The following NUP214 variants were observed in gnomAD, a reference collection of about 807,000 sequenced individuals.
The protein encoded by NUP214 is nucleoporin 214.
NUP214 carries 79 observed loss-of-function variants against 196.2 expected under a neutral mutation model. The ratio of observed to expected loss-of-function variants is 0.40; its 90% CI spans 0.34 to 0.49. The LOEUF is 0.49. NUP214 is among the 20% of genes least tolerant of loss of function. The pLI is 0.58. For missense variants in NUP214, 2,468 were observed against 2,539.0 expected, an observed-to-expected ratio of 0.97 and a Z score of 0.60; for synonymous variants, 1,020 against 990.5, an observed-to-expected ratio of 1.03 and a Z score of -0.56.
At chr9:131,175,824 G>C (rs1254300755) in intron 23 of NUP214, 1 of 689,632 alleles carries the variant, frequency 1.5e-6, no homozygotes. Flanking sequence ...TTAAGGGGAG[G>C]GATTAGAACT....
intron 17 of NUP214, among the ~76,000 whole-genome samples, chr9:131,155,788 C>G (rs946317396): frequency 2.0e-5 from 3 of 152,092 alleles, no homozygotes; most frequent in African/African-American, 7.2e-5. Context: ...TCAGTTGGCT[C>G]TAATAATTTG....
Position 131,222,821 on chromosome 9 carries a change from T to C in NUP214, c.5793T>C (p.Gly1931=), listed in dbSNP as rs1225336877. 2.0e-5 allele frequency: 33 copies of C among 1,614,176 alleles called. No individual in the cohort carries two copies. The East Asian group carries it at 7.4e-4, about 36-fold the overall frequency. Reference sequence around the variant, plus strand: ...GAAACAGTGGGGCCAAGACATTTGGTGGATTTGCCAGCTCGTCGTTTGGAG... The same window carrying C: ...GAAACAGTGGGGCCAAGACATTTGGCGGATTTGCCAGCTCGTCGTTTGGAG... ...LFGNSGAKTF[G]GFASSSFGEQ... Residue 1931 remains glycine (G), a synonymous_variant, in exon 32 of 36, where the codon GGT becomes GGC. Coordinates refer to ENST00000359428, the MANE Select transcript of NUP214 (RefSeq NM_005085.4).
chr9:131,159,623 C>T (rs1268174625), intron 18 of NUP214, 137 bp downstream of exon 18: 10 of 705,810 alleles, frequency 1.4e-5, no homozygotes, highest in South Asian at 6.6e-5. Flanking sequence ...TTTGGCAGGC[C>T]GAGGCGAGTG....
chr9:131,192,282 TCTCCATCA>T lies in NUP214; in HGVS notation c.3650_3657del (p.Ser1217TrpfsTer5). On this transcript the variant is annotated frameshift_variant and splice_region_variant, in exon 27 of 36. Coordinates refer to ENST00000359428, the MANE Select transcript of NUP214 (RefSeq NM_005085.4). LOFTEE classifies it high-confidence loss of function. ...GCAGTTCAGCAAGCCTTTCTCATTTTCTCCATCAGGGTCAGTAATGAACTTAAGTTTTA... is the reference window on the plus strand; with the variant it reads ...GCAGTTCAGCAAGCCTTTCTCATTTTGGGTCAGTAATGAACTTAAGTTTTA... The T allele has an allele frequency of 1.3e-6, 2 of 1,599,242 alleles. No individual in the cohort carries two copies. Among genetic ancestry groups the T allele is most frequent in the Non-Finnish European group, 1.7e-6 (2 of 1,171,246 alleles).
At chr9:131,182,235 A>T (rs1296316051) in intron 24 of NUP214, among the ~76,000 whole-genome samples, 4 of 152,222 alleles carry the variant, frequency 2.6e-5, no homozygotes, top group Non-Finnish European at 4.4e-5. Context: ...AAAATAATTT[A>T]AAAAAATAAA....
intron 24 of NUP214, among the ~76,000 whole-genome samples, chr9:131,184,562 C>G (rs1234570264): frequency 6.6e-6 from 1 of 152,074 alleles, no homozygotes; most frequent in Non-Finnish European, 1.5e-5. Context: ...TCTCGAACTC[C>G]TGACCTCAAG....
At chr9:131,155,520 C>G (rs369191159) in intron 17 of NUP214, among the ~76,000 whole-genome samples, 9 of 152,116 alleles carry the variant, frequency 5.9e-5, no homozygotes, top group African/African-American at 1.9e-4. Flanking sequence ...TTGTTGCATT[C>G]GCTTTTGGAT....
At chr9:131,203,014 C>T (rs1019473078) in intron 30 of NUP214, among the ~76,000 whole-genome samples, 33 of 151,484 alleles carry the variant, frequency 2.2e-4, no homozygotes, top group African/African-American at 8.0e-4. Flanking sequence ...GGTGCTATCT[C>T]GGCTCACTGC....
chr9:131,223,711 T>TTTTATTTATTTATTTATTTA (rs1371826550), intron 32 of NUP214, among the ~76,000 whole-genome samples: 613 of 27,090 alleles, frequency 0.023, 48 homozygotes, highest in East Asian at 0.07. Context: ...TTTTTTTTAT[T>TTTTATTTATTTATTTATTTA]TTTATTTATT....
At chr9:131,134,866 G>T in intron 7 of NUP214, 32 bp from the exon 8 acceptor site, 1 of 1,464,880 alleles carries the variant, frequency 6.8e-7, no homozygotes, top group Non-Finnish European at 9.5e-7. Flanking sequence ...AATTGCACAT[G>T]AGAATTTTTT....
chr9:131,139,388 C>G lies in NUP214; in HGVS notation c.1113C>G (p.Asn371Lys). The G allele has an allele frequency of 6.2e-7, 1 of 1,605,364 alleles. No individual in the cohort carries two copies. Among genetic ancestry groups the G allele is most frequent in the Non-Finnish European group, 8.5e-7 (1 of 1,176,830 alleles). The change falls in exon 10 of 36, where the codon AAC becomes AAG. Residue 371 changes from asparagine to lysine, a missense_variant. Physicochemically the swap from Asn to Lys is moderately conservative, Grantham distance 94. Around this residue, in one of 5 missense-constraint regions of NUP214, gnomAD observed 1,801 missense variants for 1,779.4 expected, o/e 1.01. Coordinates refer to ENST00000359428, the MANE Select transcript of NUP214 (RefSeq NM_005085.4). ...TGGGAGTTGTCGTAGACTATACAAA[C>G]CAAGTGGAAATCACCATCAGTAAGT... ...LPMGVVVDYT[N>K]QVEITISDEK...
chr9:131,165,838 T>C (rs1304375202), intron 21 of NUP214, among the ~76,000 whole-genome samples: 1 of 152,204 alleles, frequency 6.6e-6, no homozygotes, highest in African/African-American at 2.4e-5. Context: ...TTGAGGACAT[T>C]GTGCTAAGTG....
In NUP214 at chr9:131,131,674, T is replaced by A. The variant is rs556221021; in HGVS notation, c.663+838T>A. ...TCTTGCTTTGCTGTTTGCCTTAATT[T>A]TTTATTTATTTATTATTATTTTTTT... On this transcript the variant is annotated intron_variant, in intron 5 of 35. Transcript: ENST00000359428. Among the ~76,000 whole-genome samples, 32 of 152,302 alleles carry A rather than the reference T, an allele frequency of 2.1e-4. No individual in the cohort carries two copies. The East Asian group carries it at 2.1e-3, about 10-fold the overall frequency.
chr9:131,133,390 G>C (rs7862664), intron 7 of NUP214, among the ~76,000 whole-genome samples, 181 bp downstream of exon 7: 3,047 of 148,610 alleles, frequency 0.021, 100 homozygotes, highest in African/African-American at 0.072. Flanking sequence ...CTGAAGCCTG[G>C]ACCTCCTGGA....
At chr9:131,192,083 G>A in intron 26 of NUP214, 125 bp from the exon 27 acceptor site, 1 of 595,310 alleles carries the variant, frequency 1.7e-6, no homozygotes, top group Non-Finnish European at 2.7e-6. Context: ...TGTCACAGAA[G>A]GCACATGTGG....
In NUP214 at chr9:131,147,590, T is replaced by C. The variant is rs1433260811; in HGVS notation, c.2040+6T>C. 6.3e-7 allele frequency: 1 copy of C among 1,596,638 alleles called. No homozygotes were observed. Among genetic ancestry groups the C allele is most frequent in the Admixed American group, 1.7e-5 (1 of 59,434 alleles). ...CAAAGCCAGGCTCTCCCCAGGTATG[T>C]TTAAATTCAGCTTGCAATGTTTGTG... On this transcript the variant is annotated splice_donor_region_variant and intron_variant, in intron 14 of 35. Transcript: ENST00000359428.
chr9:131,229,912 C>G, intron 33 of NUP214: 1 of 384,172 alleles, frequency 2.6e-6, no homozygotes, highest in South Asian at 2.0e-5. Flanking sequence ...CCCCTTCTCC[C>G]AGAAACCACT....
chr9:131,130,148 T>G (rs1386913681), intron 4 of NUP214, among the ~76,000 whole-genome samples: 1 of 110,596 alleles, frequency 9.0e-6, no homozygotes, highest in African/African-American at 3.4e-5. Flanking sequence ...TTTTTTTTTT[T>G]TTGTTTTTTT....
intron 23 of NUP214, chr9:131,175,930 A>C (rs1588147524): frequency 7.1e-6 from 2 of 280,784 alleles, no homozygotes; most frequent in African/African-American, 4.4e-5. Flanking sequence ...TTAGAGCCCT[A>C]AAATTATAAC....
Sources: gnomAD v4.1 joint callset for allele counts (sites outside exome capture counted in the v4.1 genomes callset) on GRCh38, gnomAD v4.1.1 for gene constraint, gnomAD v4.1.1 regional missense constraint, MANE v1.5 for transcripts, NCBI Gene and HGNC (gene_info 2026-07-23, HGNC 2026-07-21) for gene names.